Variants in ZNF521 observed in about 807,000 individuals in gnomAD.
ZNF521 encodes the protein LYST-interacting protein 3.
ZNF521 carries 14 observed loss-of-function variants against 105.5 expected under a neutral mutation model. That is an observed-to-expected ratio of 0.13 (90% CI 0.09 to 0.21). ZNF521 has a LOEUF of 0.21. Among genes scored for constraint, ZNF521 ranks in the 10% least tolerant of loss-of-function variants. The pLI is 1.00. For missense variants in ZNF521, 1,233 were observed against 1,629.7 expected (o/e 0.76, Z 4.19); for synonymous variants, 635 against 606.0 (o/e 1.05, Z -0.70).
chr18:25,280,285 G>T (rs1169577517), intron 3 of ZNF521, among the ~76,000 whole-genome samples: 1 of 152,208 alleles, frequency 6.6e-6, no homozygotes, highest in Non-Finnish European at 1.5e-5. Context: ...AGTGGCACAT[G>T]TGAAGGTGAA....
At chr18:25,193,038 T>C (rs1038606611) in intron 5 of ZNF521, among the ~76,000 whole-genome samples, 1 of 152,138 alleles carries the variant, frequency 6.6e-6, no homozygotes, top group Non-Finnish European at 1.5e-5. Flanking sequence ...AGGAATGGAA[T>C]GTGCTTCTCT....
intron 2 of ZNF521, among the ~76,000 whole-genome samples, chr18:25,339,610 A>G (rs1403853956): frequency 2.0e-5 from 3 of 152,194 alleles, no homozygotes; most frequent in Non-Finnish European, 4.4e-5. Context: ...CTGGTAAAAC[A>G]CAGTAAATAT....
At chr18:25,144,998 C>T (rs1439358619) in intron 5 of ZNF521, among the ~76,000 whole-genome samples, 1 of 152,166 alleles carries the variant, frequency 6.6e-6, no homozygotes, top group African/African-American at 2.4e-5. Flanking sequence ...GTAAGTTCAC[C>T]AGCATGCAAG....
chr18:25,113,623 CAGAAAA>C (rs71375167), intron 5 of ZNF521, among the ~76,000 whole-genome samples: 6,922 of 151,740 alleles, frequency 0.046, 256 homozygotes, highest in East Asian at 0.13. Context: ...GGTTGAAAGG[CAGAAAA>C]AGAAAAAGGT....
chr18:25,243,579 CTCTT>C (rs1907498932), intron 3 of ZNF521, among the ~76,000 whole-genome samples: 1 of 152,190 alleles, frequency 6.6e-6, no homozygotes, highest in South Asian at 2.1e-4. Context: ...TCCTTTCTCA[CTCTT>C]TCTAACTTTT....
chr18:25,167,958 G>A (rs535044517), intron 5 of ZNF521, among the ~76,000 whole-genome samples: 36 of 152,278 alleles, frequency 2.4e-4, no homozygotes, highest in African/African-American at 4.3e-4. Context: ...AAGGTCACTC[G>A]CATAAAAGAG....
intron 5 of ZNF521, among the ~76,000 whole-genome samples, chr18:25,135,265 C>T (rs889567689): frequency 4.2e-4 from 61 of 145,252 alleles, no homozygotes; most frequent in African/African-American, 1.3e-3. Context: ...CACATACATA[C>T]ATGTATATGT....
At chr18:25,311,397 A>C (rs2145109372) in intron 3 of ZNF521, among the ~76,000 whole-genome samples, 1 of 152,140 alleles carries the variant, frequency 6.6e-6, no homozygotes, top group South Asian at 2.1e-4. Flanking sequence ...AAAAAAAAAA[A>C]AAAATTCAAC....
intron 3 of ZNF521, among the ~76,000 whole-genome samples, chr18:25,240,850 C>T (rs1907272648): frequency 6.6e-6 from 1 of 151,508 alleles, no homozygotes; most frequent in African/African-American, 2.4e-5. Context: ...CAAAACAAAT[C>T]TCTTTCTTAT....
chr18:25,310,305 T>C (rs1479520585), intron 3 of ZNF521, among the ~76,000 whole-genome samples: 1 of 152,142 alleles, frequency 6.6e-6, no homozygotes, highest in East Asian at 1.9e-4. Flanking sequence ...CATTTAAAGG[T>C]TGAAGTTAAG....
rs766341692 is a variant in ZNF521 at position 25,227,000 on chromosome 18, C to T, written c.918G>A (p.Gly306=). The T allele has an allele frequency of 6.2e-7, 1 of 1,614,142 alleles. No homozygotes were observed. The highest frequency in any genetic ancestry group is 1.7e-5 in the Admixed American group (1 of 60,022). ...LMNHMEQVHS[G]EKKNSCSICS... is the part of the protein sequence containing the mutation. ...AAATGCTGCATGAGTTCTTCTTCTCCCCGCTATGCACCTGCTCCATGTGGT... is the reference window on the plus strand; with the variant it reads ...AAATGCTGCATGAGTTCTTCTTCTCTCCGCTATGCACCTGCTCCATGTGGT... The change falls in exon 4 of 8, where the codon GGG becomes GGA. Residue 306 remains glycine, a synonymous_variant. Transcript: ENST00000361524. This position sits in a 1 kb window ranked among gnomAD's most constrained non-coding sequence, Gnocchi z 4.1.
intron 2 of ZNF521, among the ~76,000 whole-genome samples, chr18:25,327,110 C>T (rs1158814415): frequency 6.6e-6 from 1 of 152,102 alleles, no homozygotes; most frequent in East Asian, 1.9e-4. Context: ...GAAAAAGTGG[C>T]CCCAACACTA....
intron 3 of ZNF521, among the ~76,000 whole-genome samples, chr18:25,292,811 T>G (rs1326537494): frequency 6.6e-6 from 1 of 152,208 alleles, no homozygotes; most frequent in Non-Finnish European, 1.5e-5. Flanking sequence ...GGAGTGGCTT[T>G]CAAGCTGTTT....
chr18:25,081,488 T>A (rs1172875363), intron 7 of ZNF521, among the ~76,000 whole-genome samples: 1 of 152,180 alleles, frequency 6.6e-6, no homozygotes, highest in African/African-American at 2.4e-5. Context: ...TTGCCCTTAC[T>A]TCAGTCATAT....
intron 5 of ZNF521, among the ~76,000 whole-genome samples, chr18:25,136,536 T>C (rs1206583984): frequency 6.6e-6 from 1 of 152,166 alleles, no homozygotes; most frequent in African/African-American, 2.4e-5. Context: ...ATCAGTTTTA[T>C]TGTTTTCATA....
intron 5 of ZNF521, among the ~76,000 whole-genome samples, chr18:25,190,430 G>A (rs1050311430): frequency 2.9e-4 from 44 of 151,962 alleles, no homozygotes; most frequent in Admixed American, 1.3e-4. Flanking sequence ...GAAACCAGTC[G>A]GTGAAAGCAA....
At chr18:25,263,760 T>G (rs545142651) in intron 3 of ZNF521, among the ~76,000 whole-genome samples, 9 of 152,242 alleles carry the variant, frequency 5.9e-5, no homozygotes, top group East Asian at 1.9e-4. Flanking sequence ...TATTTTTCAG[T>G]AGAGACGAGG....
intron 3 of ZNF521, among the ~76,000 whole-genome samples, chr18:25,243,952 A>C (rs1388084961): frequency 6.6e-6 from 1 of 152,148 alleles, no homozygotes; most frequent in East Asian, 1.9e-4. Flanking sequence ...TTTTAAACTC[A>C]GCTCTGTGAT....
At chr18:25,114,393 A>G (rs1324995239) in intron 5 of ZNF521, among the ~76,000 whole-genome samples, 3 of 152,194 alleles carry the variant, frequency 2.0e-5, no homozygotes, top group African/African-American at 7.2e-5. Flanking sequence ...AAATTGGGGA[A>G]AACTGAGGTC....
Sources: gnomAD v4.1 joint callset for allele counts (sites outside exome capture counted in the v4.1 genomes callset) on GRCh38, gnomAD v4.1.1 for gene constraint, Gnocchi (gnomAD v3.1) non-coding constraint, MANE v1.5 for transcripts, NCBI Gene and HGNC (gene_info 2026-07-23, HGNC 2026-07-21) for gene names.